The following SEC23B variants were observed in gnomAD, a reference collection of about 807,000 sequenced individuals.
SEC23B encodes the protein protein transport protein Sec23B.
In SEC23B, 77 loss-of-function variants were observed where a neutral mutation model predicts 104.3. That is an observed-to-expected ratio of 0.74 (90% CI 0.61 to 0.89). SEC23B has a LOEUF of 0.89. Among genes scored for constraint, SEC23B ranks in the 40% least tolerant of loss-of-function variants. The probability of loss-of-function intolerance (pLI) is 0.00; values close to 1 mark genes in which losing one functional copy is unlikely to be tolerated. For synonymous variants in SEC23B, 338 were observed against 332.5 expected, an observed-to-expected ratio of 1.02 and a Z score of -0.18; for missense variants, 885 against 949.4, an observed-to-expected ratio of 0.93 and a Z score of 0.89.
In SEC23B at chr20:18,512,299, T is replaced by TA; in HGVS notation, c.279+23dup. On this transcript the variant is annotated intron_variant, in intron 3 of 19. Coordinates refer to ENST00000650089, the MANE Select transcript of SEC23B (RefSeq NM_006363.6). ...AGAAATCAGGTATGTGAATTATTTT[T>TA]AAAAAATGTTATATGTTTTATTTTA... The TA allele has an allele frequency of 6.8e-7, 1 of 1,461,430 alleles. No individual in the cohort carries two copies. Among genetic ancestry groups the TA allele is most frequent in the Non-Finnish European group, 9.5e-7 (1 of 1,049,080 alleles). The allele number at this position is 1,461,430 out of a possible 1,614,324, so 90.5% of individuals were successfully genotyped here.
chr20:18,556,083 A>T (rs556129500), intron 19 of SEC23B, among the ~76,000 whole-genome samples: 53 of 152,114 alleles, frequency 3.5e-4, no homozygotes, highest in African/African-American at 1.3e-3. Context: ...TTGCACTCCT[A>T]TTAGAATCTA....
intron 15 of SEC23B, among the ~76,000 whole-genome samples, chr20:18,548,068 C>A (rs2060350283): frequency 6.6e-6 from 1 of 152,162 alleles, no homozygotes; most frequent in Non-Finnish European, 1.5e-5. Flanking sequence ...TTTCCTGCCT[C>A]AGCCTCCTGA....
intron 19 of SEC23B, among the ~76,000 whole-genome samples, chr20:18,560,319 C>T (rs1264577242): frequency 6.6e-6 from 1 of 152,172 alleles, no homozygotes; most frequent in Non-Finnish European, 1.5e-5. Flanking sequence ...AGAGGAAAGG[C>T]AGGCATATGG....
intron 10 of SEC23B, among the ~76,000 whole-genome samples, chr20:18,531,696 T>C (rs539060571): frequency 2.4e-4 from 36 of 151,402 alleles, no homozygotes; most frequent in African/African-American, 7.3e-4. Context: ...ATTTTTTTTT[T>C]CCCATGTAGG....
chr20:18,532,562 T>C, intron 10 of SEC23B, 102 bp from the exon 11 acceptor site: 2 of 871,458 alleles, frequency 2.3e-6, no homozygotes, highest in Admixed American at 1.7e-5. Flanking sequence ...CTTGGCAGAA[T>C]AGTAGTGTTA....
At chr20:18,558,104 C>A (rs1360572395) in intron 19 of SEC23B, among the ~76,000 whole-genome samples, 1 of 152,154 alleles carries the variant, frequency 6.6e-6, no homozygotes, top group African/African-American at 2.4e-5. Flanking sequence ...TTTTAGTTTT[C>A]TTTTATTTGA....
In SEC23B at chr20:18,525,796, A is replaced by T. The variant is rs1208525981; in HGVS notation, c.698A>T (p.Gln233Leu). The T allele has an allele frequency of 3.1e-6, 5 of 1,614,224 alleles. No individual in the cohort carries two copies. The change falls in exon 7 of 20, where the codon CAG (glutamine) becomes CTG (leucine). Residue 233 changes from glutamine (Q) to leucine (L), a missense_variant. Coordinates refer to ENST00000650089, the MANE Select transcript of SEC23B (RefSeq NM_006363.6). Reference sequence around the variant, plus strand: ...CTGTTAAAATCTTGCAGATTTCTGCAGCCTGTTCACAAGATTGATATGAAC... The same window carrying T: ...CTGTTAAAATCTTGCAGATTTCTGCTGCCTGTTCACAAGATTGATATGAAC... ...EHPFASSRFL[Q>L]PVHKIDMNLT...
intron 3 of SEC23B, among the ~76,000 whole-genome samples, chr20:18,512,619 G>A (rs1220967102): frequency 1.3e-5 from 2 of 152,170 alleles, no homozygotes; most frequent in Non-Finnish European, 2.9e-5. Flanking sequence ...ATTGGATAGT[G>A]TATATTACTG....
chr20:18,518,859 AT>A (rs2060057978), intron 4 of SEC23B, among the ~76,000 whole-genome samples: 1 of 152,094 alleles, frequency 6.6e-6, no homozygotes, highest in African/African-American at 2.4e-5. Context: ...AAGAGTTTTT[AT>A]TAAAGAGACA....
At chr20:18,515,993 C>G (rs1052797675) in intron 4 of SEC23B, 7 of 455,042 alleles carry the variant, frequency 1.5e-5, no homozygotes, top group Middle Eastern at 1.3e-3. Flanking sequence ...GTTGATGGTA[C>G]TCCATCATCT....
At position 18,511,021 on chromosome 20, in the gene SEC23B, C is replaced by A; in HGVS notation, c.186C>A (p.Ser62Arg). 1 of 1,614,102 alleles carries A rather than the reference C, an allele frequency of 6.2e-7. No homozygotes were observed. The highest frequency in any genetic ancestry group is 1.1e-5 in the South Asian group (1 of 91,082). ...TACAATATGAACCTGTGCTTTGCAG[C>A]AGGCCAACTTGTAAAGCTGTTCTCA... is the stretch of plus-strand genomic sequence containing the variant. ...PPVQYEPVLC[S>R]RPTCKAVLNP... The change falls in exon 2 of 20, where the codon AGC becomes AGA. Residue 62 changes from serine (S) to arginine (R), a missense_variant. Coordinates refer to ENST00000650089, the MANE Select transcript of SEC23B (RefSeq NM_006363.6).
Position 18,542,383 on chromosome 20 carries a change from G to T in SEC23B, c.1492G>T (p.Val498Leu), listed in dbSNP as rs748103135. Residue 498 changes from valine (V) to leucine (L), a missense_variant, in exon 13 of 20, where the codon GTG becomes TTG. Val to Leu is a conservative substitution (Grantham distance 32). Transcript: ENST00000650089. ...QHSSTQRRIR[V>L]TTIARNWADV... ...CTCCAGCACCCAGAGACGCATCCGCGTGACCACCATCGCCCGAAAGTAAGC... is the reference window on the plus strand; with the variant it reads ...CTCCAGCACCCAGAGACGCATCCGCTTGACCACCATCGCCCGAAAGTAAGC... 1.9e-6 allele frequency: 3 copies of T among 1,614,174 alleles called. No individual in the cohort carries two copies. The South Asian group carries it at 3.3e-5, about 18-fold the overall frequency.
chr20:18,517,566 T>C (rs1032390694), intron 4 of SEC23B, among the ~76,000 whole-genome samples: 3 of 152,202 alleles, frequency 2.0e-5, no homozygotes, highest in African/African-American at 7.2e-5. Context: ...TGTGTTGTTA[T>C]ATTAATAAGA....
chr20:18,536,892 G>C (rs1417776774), intron 12 of SEC23B, among the ~76,000 whole-genome samples: 1 of 152,176 alleles, frequency 6.6e-6, no homozygotes, highest in African/African-American at 2.4e-5. Flanking sequence ...GAAGGAAAGT[G>C]TATTTACTAT....
chr20:18,546,016 T>C lies in SEC23B; in HGVS notation c.1726T>C (p.Phe576Leu). The C allele has an allele frequency of 6.4e-7, 1 of 1,558,490 alleles. No homozygotes were observed. The highest frequency in any genetic ancestry group is 8.9e-7 in the Non-Finnish European group (1 of 1,129,290). Residue 576 changes from phenylalanine to leucine, a missense_variant, in exon 15 of 20, where the codon TTT becomes CTT. Coordinates refer to ENST00000650089, the MANE Select transcript of SEC23B (RefSeq NM_006363.6). The stretch of plus-strand genomic sequence containing the variant: ...CACTTCTTTTAGGTTATCAGATTCC[T>C]TTTCTCTATATCCTCAGGTAAGTAA... ...DPTSFRLSDS[F>L]SLYPQFMFHL...
intron 16 of SEC23B, among the ~76,000 whole-genome samples, chr20:18,550,223 T>C (rs1350393910): frequency 6.6e-6 from 1 of 151,472 alleles, no homozygotes; most frequent in Non-Finnish European, 1.5e-5. Flanking sequence ...TGTGCGATCT[T>C]GGCTCACTGC....
chr20:18,523,554 C>T (rs910789505), intron 4 of SEC23B, among the ~76,000 whole-genome samples: 2 of 151,872 alleles, frequency 1.3e-5, no homozygotes, highest in African/African-American at 4.8e-5. Context: ...AGGTGAACCC[C>T]ACTACGCCTG....
intron 1 of SEC23B, among the ~76,000 whole-genome samples, chr20:18,510,568 C>G (rs2059972489): frequency 6.6e-6 from 1 of 152,092 alleles, no homozygotes; most frequent in Admixed American, 6.6e-5. Context: ...AGTTTGAGAC[C>G]AGCCTGGCCA....
At position 18,547,974 on chromosome 20, in the gene SEC23B, G is replaced by A. The variant is rs536376453; in HGVS notation, c.1744-635G>A. 4.0e-5 allele frequency among the ~76,000 whole-genome samples: 6 copies of A among 151,814 alleles called. No homozygotes were observed. In the South Asian group the frequency reaches 6.3e-4, roughly 16 times the overall value. ...TTTTAATTTTTAATTTTTTTGAGACGGAGTTTTGCTCTTGTTGCCCAGGCT... is the reference window on the plus strand; with the variant it reads ...TTTTAATTTTTAATTTTTTTGAGACAGAGTTTTGCTCTTGTTGCCCAGGCT... On this transcript the variant is annotated intron_variant, in intron 15 of 19. Transcript: ENST00000650089.
Sources: gnomAD v4.1 joint callset for allele counts (sites outside exome capture counted in the v4.1 genomes callset) on GRCh38, gnomAD v4.1.1 for gene constraint, MANE v1.5 for transcripts, NCBI Gene and HGNC (gene_info 2026-07-23, HGNC 2026-07-21) for gene names.